Variants in CFDP1 observed in about 807,000 individuals in gnomAD.
CFDP1 encodes the protein heterochromatin-stabilizing protein CFDP1.
In CFDP1, 31 loss-of-function variants were observed where a neutral mutation model predicts 40.1. The ratio of observed to expected loss-of-function variants is 0.77; its 90% CI spans 0.58 to 1.04. The LOEUF (loss-of-function observed/expected upper bound fraction) is 1.04, where lower values mean the gene tolerates loss of function less well. Ranked by LOEUF, CFDP1 falls within the 50% of genes least tolerant of loss-of-function variation. CFDP1 has a pLI of 0.00. For synonymous variants in CFDP1, 167 were observed against 120.0 expected (o/e 1.39, Z -2.56); for missense variants, 423 against 343.4 (o/e 1.23, Z -1.83).
intron 5 of CFDP1, among the ~76,000 whole-genome samples, chr16:75,370,660 C>G (rs2078745139): frequency 6.6e-6 from 1 of 152,016 alleles, no homozygotes; most frequent in Non-Finnish European, 1.5e-5. Context: ...GTCAGGAGTT[C>G]CAGACCATTC....
chr16:75,384,730 T>C (rs544591212), intron 5 of CFDP1, among the ~76,000 whole-genome samples: 25 of 151,890 alleles, frequency 1.6e-4, no homozygotes, highest in African/African-American at 6.0e-4. Flanking sequence ...ACTCAAATTA[T>C]GGAAGTCACA....
Position 75,433,439 on chromosome 16 carries a change from C to A in CFDP1, c.-87G>T. On this transcript the variant is annotated 5_prime_UTR_variant, in exon 1 of 7. Coordinates refer to ENST00000283882, the MANE Select transcript of CFDP1 (RefSeq NM_006324.3). ...GCTCTAGGGAGAGACCATAGAGCCC[C>A]GGCGGCGGCGACGGCAGCTAGGGCG... 1 of 1,359,694 alleles carries A rather than the reference C, an allele frequency of 7.4e-7. No individual in the cohort carries two copies. 84.2% of individuals were successfully genotyped at this position (1,359,694 alleles called of 1,614,324 possible). A position where few individuals can be genotyped will look rare whatever the true frequency, so the allele number is the denominator to read the frequency against.
chr16:75,410,536 G>A (rs186519442), intron 4 of CFDP1, among the ~76,000 whole-genome samples: 1 of 152,208 alleles, frequency 6.6e-6, no homozygotes, highest in Non-Finnish European at 1.5e-5. Context: ...CACTTTGTGA[G>A]GCCAAGGCAG....
chr16:75,305,114 GTGCTCATTTTC>G lies in CFDP1; in HGVS notation c.708_718del (p.Gln236HisfsTer3). 6.2e-7 allele frequency: 1 copy of G among 1,614,056 alleles called. No individual in the cohort carries two copies. The highest frequency in any genetic ancestry group is 8.5e-7 in the Non-Finnish European group (1 of 1,180,016). On this transcript the variant is annotated frameshift_variant, in exon 6 of 7. Transcript: ENST00000283882. LOFTEE classifies it high-confidence loss of function. ...CCAGTCCAGTTTGGACTTCTCAAGG[GTGCTCATTTTC>G]TGCTTCTTGGCACCAATTTTCCCCA...
intron 5 of CFDP1, among the ~76,000 whole-genome samples, chr16:75,314,167 G>A (rs930469569): frequency 9.8e-5 from 15 of 152,318 alleles, no homozygotes; most frequent in Middle Eastern, 3.4e-3. Flanking sequence ...TTACAGGCGT[G>A]AGCCATCGCA....
intron 4 of CFDP1, among the ~76,000 whole-genome samples, chr16:75,395,786 T>C (rs181967720): frequency 6.6e-6 from 1 of 152,238 alleles, no homozygotes; most frequent in African/African-American, 2.4e-5. Context: ...ACTGGCTAAA[T>C]TAGCAATAAT....
chr16:75,303,365 C>CTAAATAAATAAATAAA (rs576854066), intron 6 of CFDP1, among the ~76,000 whole-genome samples: 4 of 136,184 alleles, frequency 2.9e-5, no homozygotes, highest in African/African-American at 1.1e-4. Flanking sequence ...GACTCCATCT[C>CTAAATAAATAAATAAA]TAAATAAATA....
At chr16:75,374,747 GTTT>G (rs959919649) in intron 5 of CFDP1, among the ~76,000 whole-genome samples, 2 of 152,064 alleles carry the variant, frequency 1.3e-5, no homozygotes, top group African/African-American at 4.8e-5. Context: ...AACTGAAATT[GTTT>G]TTAATACATT....
chr16:75,376,271 C>G (rs556484061), intron 5 of CFDP1, among the ~76,000 whole-genome samples: 2 of 152,148 alleles, frequency 1.3e-5, no homozygotes, highest in Non-Finnish European at 2.9e-5. Flanking sequence ...CATGACCTAG[C>G]AATTCCATTC....
At chr16:75,405,693 T>C (rs1274588390) in intron 4 of CFDP1, among the ~76,000 whole-genome samples, 2 of 147,186 alleles carry the variant, frequency 1.4e-5, no homozygotes, top group East Asian at 4.0e-4. Context: ...AAAGTTGCAG[T>C]GAGCTGAGAT....
rs559791171 is a variant in CFDP1 at position 75,328,452 on chromosome 16, G to C, written c.651-23270C>G. On this transcript the variant is annotated intron_variant, in intron 5 of 6. Transcript: ENST00000283882. ...ATACAAAAAAAAAAGAAAAAAAATA[G>C]CTGGGTGTGGTGGCAGGCGCCTGTA... 2.6e-4 allele frequency among the ~76,000 whole-genome samples: 38 copies of C among 148,924 alleles called. No individual in the cohort carries two copies. In the South Asian group the frequency reaches 7.9e-3, roughly 31 times the overall value.
At chr16:75,433,203 G>C in intron 1 of CFDP1, 86 bp downstream of exon 1, 1 of 1,350,424 alleles carries the variant, frequency 7.4e-7, no homozygotes, top group Non-Finnish European at 1.0e-6. Context: ...CTGGGCCACA[G>C]GGCAGACGCC....
intron 5 of CFDP1, among the ~76,000 whole-genome samples, chr16:75,326,323 C>T (rs555960324): frequency 2.9e-4 from 44 of 152,262 alleles, no homozygotes; most frequent in African/African-American, 1.1e-3. Context: ...CGCCTTAGTC[C>T]ACTCTGGAAG....
chr16:75,374,294 T>C (rs2078775458), intron 5 of CFDP1, among the ~76,000 whole-genome samples: 1 of 152,054 alleles, frequency 6.6e-6, no homozygotes, highest in Non-Finnish European at 1.5e-5. Context: ...ATACTAGCCA[T>C]TAACAAGAAT....
chr16:75,310,362 A>G (rs77921795), intron 5 of CFDP1, among the ~76,000 whole-genome samples: 3,359 of 152,274 alleles, frequency 0.022, 70 homozygotes, highest in African/African-American at 0.054. Flanking sequence ...CACCATGCCA[A>G]ACCAAGACCT....
intron 5 of CFDP1, among the ~76,000 whole-genome samples, chr16:75,312,714 C>CT (rs2078301540): frequency 6.6e-6 from 1 of 152,128 alleles, no homozygotes; most frequent in African/African-American, 2.4e-5. Context: ...TGTGTTTTGC[C>CT]CTGTTCTGGC....
At chr16:75,327,452 G>C (rs1271579229) in intron 5 of CFDP1, among the ~76,000 whole-genome samples, 1 of 150,570 alleles carries the variant, frequency 6.6e-6, no homozygotes, top group Non-Finnish European at 1.5e-5. Flanking sequence ...ACGGGGAATG[G>C]GGGAAGGGGA....
intron 4 of CFDP1, among the ~76,000 whole-genome samples, chr16:75,407,027 AT>A (rs1458761112): frequency 6.6e-6 from 1 of 152,204 alleles, no homozygotes; most frequent in African/African-American, 2.4e-5. Context: ...AAATAAACAA[AT>A]AAACAAGCAA....
At chr16:75,328,685 T>C (rs2078422823) in intron 5 of CFDP1, among the ~76,000 whole-genome samples, 1 of 136,974 alleles carries the variant, frequency 7.3e-6, no homozygotes, top group Non-Finnish European at 1.6e-5. Context: ...ATAAGCATAA[T>C]TTTTTTTTTT....
Sources: gnomAD v4.1 joint callset for allele counts (sites outside exome capture counted in the v4.1 genomes callset) on GRCh38, gnomAD v4.1.1 for gene constraint, MANE v1.5 for transcripts, NCBI Gene and HGNC (gene_info 2026-07-23, HGNC 2026-07-21) for gene names.